PCNX2: variants seen among roughly 807,000 people sequenced by gnomAD.
PCNX2 encodes the protein pecanex-like protein 2.
A neutral mutation model predicts 223.8 loss-of-function variants in PCNX2; 168 were observed. That is an observed-to-expected ratio of 0.75 (90% CI 0.66 to 0.85). PCNX2 has a LOEUF of 0.85. Among genes scored for constraint, PCNX2 ranks in the 40% least tolerant of loss-of-function variants. The pLI, the probability that PCNX2 is intolerant of heterozygous loss-of-function variation, is 0.00. For missense variants in PCNX2, 2,507 were observed against 2,675.5 expected, an observed-to-expected ratio of 0.94 and a Z score of 1.39; for synonymous variants, 1,006 against 1,052.6, an observed-to-expected ratio of 0.96 and a Z score of 0.86.
chr1:233,270,489 C>T (rs984373250), intron 1 of PCNX2, among the ~76,000 whole-genome samples: 3 of 152,098 alleles, frequency 2.0e-5, no homozygotes, highest in African/African-American at 7.2e-5. Flanking sequence ...CGACAGGTTA[C>T]GGACAGGGGG....
At chr1:233,090,806 T>C (rs904581316) in intron 22 of PCNX2, among the ~76,000 whole-genome samples, 1 of 152,226 alleles carries the variant, frequency 6.6e-6, no homozygotes, top group Non-Finnish European at 1.5e-5. Context: ...GTTGCTTCTT[T>C]AGGCATTCTT....
chr1:233,007,166 A>T (rs1670314274), intron 28 of PCNX2, among the ~76,000 whole-genome samples: 1 of 151,454 alleles, frequency 6.6e-6, no homozygotes, highest in Non-Finnish European at 1.5e-5. Flanking sequence ...GCATTCTGAC[A>T]GCACCTGCGA....
intron 26 of PCNX2, chr1:233,018,764 T>A: frequency 1.0e-6 from 1 of 985,366 alleles, no homozygotes; most frequent in Non-Finnish European, 1.2e-6. Flanking sequence ...GCTGCACATC[T>A]CACTGTGAAA....
In PCNX2 at chr1:233,200,215, T is replaced by C; in HGVS notation, c.2913A>G (p.Gln971=). The change falls in exon 14 of 34, where the codon CAA becomes CAG. Residue 971 remains glutamine (Q), a synonymous_variant. Transcript: ENST00000258229. ...AAAGATAAGTGCAGAAAGTGTTGAT[T>C]TGCGGGAAGAGCCCAAGGAGGGAAA... ...PAISLLGLFP[Q]INTFCTYLLE... is the part of the protein sequence containing the mutation. 6.3e-7 allele frequency: 1 copy of C among 1,594,574 alleles called. No homozygotes were observed. Among genetic ancestry groups the C allele is most frequent in the Non-Finnish European group, 8.5e-7 (1 of 1,170,140 alleles).
At chr1:232,985,682 A>T (rs1020765845) in intron 33 of PCNX2, 4 of 448,908 alleles carry the variant, frequency 8.9e-6, no homozygotes, top group African/African-American at 5.9e-5. Context: ...ATTGGCTGAG[A>T]AGCAGTGAAG....
intron 25 of PCNX2, chr1:233,025,654 T>G: frequency 3.9e-6 from 2 of 518,886 alleles, no homozygotes; most frequent in Middle Eastern, 5.1e-4. Flanking sequence ...TATGGAGATA[T>G]GAGCTAAATG....
the PCNX2 span, among the ~76,000 whole-genome samples, chr1:233,317,790 T>A: frequency 6.6e-6 from 1 of 152,218 alleles, no homozygotes; most frequent in African/African-American, 2.4e-5. Context: ...ATGCTATGCT[T>A]TAATGCATTA....
At chr1:233,324,213 T>C in the PCNX2 span, among the ~76,000 whole-genome samples, 1 of 152,240 alleles carries the variant, frequency 6.6e-6, no homozygotes, top group Admixed American at 6.5e-5. Context: ...AGAAGTCATC[T>C]CAACGTAAAA....
chr1:233,098,993 A>G lies in PCNX2; in HGVS notation c.3838-3130T>C, dbSNP rs185522006. ...ATCTTATTCACAACCTAGTAATTTT[A>G]GAGCCCTCTTCTTCCCAAAACTGAA... On this transcript the variant is annotated intron_variant, in intron 21 of 33. Transcript: ENST00000258229. Among the ~76,000 whole-genome samples, 260 of 152,366 alleles carry G rather than the reference A, an allele frequency of 1.7e-3. 4 individuals carry two copies. Among genetic ancestry groups the G allele is most frequent in the Admixed American group, 0.015 (226 of 15,310 alleles).
chr1:233,207,572 T>C (rs191512016), intron 13 of PCNX2, among the ~76,000 whole-genome samples: 66 of 152,338 alleles, frequency 4.3e-4, no homozygotes, highest in African/African-American at 1.5e-3. Flanking sequence ...TGCCCAGCAC[T>C]GCTCTCTATG....
At position 233,295,521 on chromosome 1, in the gene PCNX2, G is replaced by C. The variant is rs757995208; in HGVS notation, c.-43C>G. The C allele has an allele frequency of 4.1e-5, 61 of 1,478,018 alleles. No homozygotes were observed. The highest frequency in any genetic ancestry group is 6.3e-6 in the Non-Finnish European group (7 of 1,114,216). 91.6% of individuals were successfully genotyped at this position (1,478,018 alleles called of 1,614,324 possible). A position where few individuals can be genotyped will look rare whatever the true frequency, so the allele number is the denominator to read the frequency against. On this transcript the variant is annotated 5_prime_UTR_variant, in exon 1 of 34. Transcript: ENST00000258229. This position sits in a 1 kb window ranked among gnomAD's most constrained non-coding sequence, Gnocchi z 4.1. ...GCTGGTGAGCGCCCCGCTGCACCCT[G>C]CGCGCCCCGGCCGGATCTCCAGGCT...
intron 19 of PCNX2, among the ~76,000 whole-genome samples, chr1:233,154,148 G>A (rs945221396): frequency 9.9e-5 from 15 of 151,918 alleles, no homozygotes; most frequent in African/African-American, 2.2e-4. Context: ...GTGTGGTCTC[G>A]GCTCACTGCA....
intron 12 of PCNX2, among the ~76,000 whole-genome samples, chr1:233,217,062 GA>G (rs1656990919): frequency 6.6e-6 from 1 of 152,140 alleles, no homozygotes; most frequent in Non-Finnish European, 1.5e-5. Flanking sequence ...GAGGCAGTGG[GA>G]TGGGGAATGA....
intron 5 of PCNX2, among the ~76,000 whole-genome samples, chr1:233,255,771 G>T (rs866079844): frequency 6.6e-6 from 1 of 152,166 alleles, no homozygotes; most frequent in African/African-American, 2.4e-5. Flanking sequence ...GCAGGAAAAA[G>T]ATTAGAGAAC....
intron 1 of PCNX2, among the ~76,000 whole-genome samples, chr1:233,272,320 A>G (rs1175278566): frequency 1.3e-5 from 2 of 152,106 alleles, no homozygotes; most frequent in African/African-American, 2.4e-5. Flanking sequence ...ATCCCATCAA[A>G]AAATGGGCTA....
intron 23 of PCNX2, among the ~76,000 whole-genome samples, chr1:233,062,310 T>C (rs993722317): frequency 3.6e-4 from 55 of 152,342 alleles, no homozygotes; most frequent in African/African-American, 1.2e-3. Context: ...GTAGTATATA[T>C]TGAAGTTACA....
intron 8 of PCNX2, among the ~76,000 whole-genome samples, chr1:233,244,540 G>A (rs58907200): frequency 0.062 from 9,446 of 151,860 alleles, 871 homozygotes; most frequent in African/African-American, 0.2. Flanking sequence ...ACAAAACCCC[G>A]TCTCTAGCAA....
chr1:232,989,741 GA>G (rs1238381253), intron 32 of PCNX2, among the ~76,000 whole-genome samples: 4 of 152,240 alleles, frequency 2.6e-5, no homozygotes, highest in Non-Finnish European at 5.9e-5. Flanking sequence ...ACGCTGATTA[GA>G]AATCCAGTGA....
In PCNX2 at chr1:233,001,655, T is replaced by A. The variant is rs377750796; in HGVS notation, c.4979A>T (p.His1660Leu). Residue 1660 changes from histidine to leucine, a missense_variant, in exon 29 of 34, where the codon CAT becomes CTT. By Grantham distance (99) the His-to-Leu change is moderately conservative. Around this residue, in one of 3 missense-constraint regions of PCNX2, gnomAD observed 1,372 missense variants for 1,509.4 expected, o/e 0.91. Coordinates refer to ENST00000258229, the MANE Select transcript of PCNX2 (RefSeq NM_014801.4). This position sits in a 1 kb window ranked among gnomAD's most constrained non-coding sequence, Gnocchi z 4.2. Reference protein sequence around the residue: ...ISLDSFLYGLHVLFKGDFRIT... With the variant: ...ISLDSFLYGLLVLFKGDFRIT... ...TCTGAAGTCACCTTTGAAGAGGACA[T>A]GGAGGCCATACAGGAAAGAATCCAG... The A allele has an allele frequency of 1.3e-6, 2 of 1,591,388 alleles. No homozygotes were observed. Among genetic ancestry groups the A allele is most frequent in the Non-Finnish European group, 8.6e-7 (1 of 1,166,974 alleles).
Sources: allele counts gnomAD v4.1 joint callset (sites outside exome capture counted in the v4.1 genomes callset), GRCh38; gene constraint gnomAD v4.1.1; regional missense constraint gnomAD v4.1.1; non-coding constraint Gnocchi (gnomAD v3.1); transcripts MANE v1.5; gene names NCBI Gene and HGNC (gene_info 2026-07-23, HGNC 2026-07-21).